Variants in SVIL observed in about 807,000 individuals in gnomAD.
The protein encoded by SVIL is supervillin.
In SVIL, 101 loss-of-function variants were observed where a neutral mutation model predicts 240.4. The ratio of observed to expected loss-of-function variants is 0.42; its 90% confidence interval spans 0.36 to 0.50. The LOEUF is 0.50. SVIL is among the 20% of genes least tolerant of loss of function. The pLI is 0.01. For synonymous variants in SVIL, 999 were observed against 1,100.0 expected, an observed-to-expected ratio of 0.91 and a Z score of 1.82; for missense variants, 2,512 against 2,818.7, an observed-to-expected ratio of 0.89 and a Z score of 2.46.
At chr10:29,629,906 G>A (rs150213865) in intron 1 of SVIL, among the ~76,000 whole-genome samples, 1 of 148,994 alleles carries the variant, frequency 6.7e-6, no homozygotes, top group East Asian at 1.9e-4. Flanking sequence ...CTTGAGCCCA[G>A]GAGTTCGAGG....
chr10:29,716,243 TG>T (rs1249617031), intron 1 of SVIL, among the ~76,000 whole-genome samples: 1 of 152,256 alleles, frequency 6.6e-6, no homozygotes, highest in Non-Finnish European at 1.5e-5. Context: ...AAATCATAAT[TG>T]GTAATTATAT....
chr10:29,501,589 A>G (rs1002382497), intron 17 of SVIL, among the ~76,000 whole-genome samples: 11 of 152,186 alleles, frequency 7.2e-5, no homozygotes, highest in Non-Finnish European at 1.5e-4. Context: ...ATCAAAATTC[A>G]AAGTTACTAA....
At chr10:29,612,307 T>C (rs1032465308) in intron 1 of SVIL, among the ~76,000 whole-genome samples, 1 of 152,180 alleles carries the variant, frequency 6.6e-6, no homozygotes, top group Non-Finnish European at 1.5e-5. Flanking sequence ...AGGGAAAATA[T>C]TTTAGAGTTC....
At chr10:29,701,833 A>G (rs1226124826) in intron 1 of SVIL, among the ~76,000 whole-genome samples, 4 of 152,172 alleles carry the variant, frequency 2.6e-5, no homozygotes, top group Non-Finnish European at 1.5e-5. Flanking sequence ...AAATGTTTCT[A>G]AATGAATAAT....
chr10:29,603,143 G>A (rs1029197879), intron 1 of SVIL, among the ~76,000 whole-genome samples: 4 of 152,152 alleles, frequency 2.6e-5, no homozygotes, highest in African/African-American at 9.7e-5. Context: ...ATAAAAGCAA[G>A]TGCAGAACAG....
intron 16 of SVIL, among the ~76,000 whole-genome samples, chr10:29,514,819 G>A (rs1349905547): frequency 1.3e-5 from 2 of 152,144 alleles, no homozygotes; most frequent in South Asian, 2.1e-4. Context: ...CAAGCTTCCC[G>A]ATTCCCATTA....
chr10:29,488,653 G>A lies in SVIL; in HGVS notation c.4296C>T (p.Asn1432=), dbSNP rs1947660764. Reference sequence around the variant, plus strand: ...TGTAGGGCACGGCGCTGTTGTTAGAGTTCTGTTCCGTCAGGTTGACGCTCC... The same window carrying A: ...TGTAGGGCACGGCGCTGTTGTTAGAATTCTGTTCCGTCAGGTTGACGCTCC... The part of the protein sequence containing the change: ...SLRSVNLTEQ[N]SNNSAVPYKR... The change falls in exon 23 of 38, where the codon AAC becomes AAT. Residue 1432 remains asparagine, a synonymous_variant. Transcript: ENST00000355867. 2 of 1,612,842 alleles carry A rather than the reference G, an allele frequency of 1.2e-6. No homozygotes were observed. Among genetic ancestry groups the A allele is most frequent in the Non-Finnish European group, 1.7e-6 (2 of 1,179,618 alleles).
chr10:29,459,421 A>C (rs61839346), intron 36 of SVIL, among the ~76,000 whole-genome samples: 11,633 of 152,238 alleles, frequency 0.076, 584 homozygotes, highest in Admixed American at 0.15. Flanking sequence ...CCATGAGTGA[A>C]TTATGGACTA....
chr10:29,639,406 T>C (rs1250707106), upstream of SVIL, among the ~76,000 whole-genome samples: 1 of 151,494 alleles, frequency 6.6e-6, no homozygotes, highest in Non-Finnish European at 1.5e-5. Flanking sequence ...CTCGATTTCG[T>C]GATCTGCTCA....
At chr10:29,648,808 C>G (rs1224384370) in intron 3 of SVIL, among the ~76,000 whole-genome samples, 1 of 139,580 alleles carries the variant, frequency 7.2e-6, no homozygotes, top group Non-Finnish European at 1.5e-5. Flanking sequence ...GGACACAGGA[C>G]AGCTGGGAAA....
rs544084284 is a variant in SVIL, at chr10:29,573,431, T to C, written c.-200-4119A>G. On this transcript the variant is annotated intron_variant, in intron 1 of 37. Coordinates refer to ENST00000355867, the MANE Select transcript of SVIL (RefSeq NM_021738.3). ...AATTTAATCTATTATTTAGGTATCC[T>C]ATCCATAGGAAACCAAATAAGACTG... Among the ~76,000 whole-genome samples, 56 of 152,278 alleles carry C rather than the reference T, an allele frequency of 3.7e-4. 1 individual carries two copies. In the South Asian group the frequency reaches 0.012, roughly 32 times the overall value.
chr10:29,554,168 A>T (rs972368400), intron 5 of SVIL, among the ~76,000 whole-genome samples: 1 of 152,110 alleles, frequency 6.6e-6, no homozygotes, highest in Non-Finnish European at 1.5e-5. Flanking sequence ...TTTAATAGCC[A>T]GGCATGGTGG....
At chr10:29,603,531 T>TGATAA (rs56205250) in intron 1 of SVIL, among the ~76,000 whole-genome samples, 13 of 151,952 alleles carry the variant, frequency 8.6e-5, no homozygotes, top group East Asian at 1.9e-4. Context: ...CCAAGAATTA[T>TGATAA]AATTTATGGC....
At chr10:29,471,540 A>G (rs1252232782) in intron 30 of SVIL, among the ~76,000 whole-genome samples, 2 of 152,216 alleles carry the variant, frequency 1.3e-5, no homozygotes, top group Admixed American at 1.3e-4. Context: ...CTTTTAAAAC[A>G]TAACTCCTGA....
chr10:29,485,960 G>T, intron 26 of SVIL, 125 bp downstream of exon 26: 5 of 1,084,172 alleles, frequency 4.6e-6, no homozygotes, highest in Non-Finnish European at 5.2e-6. Context: ...AGCTGTAAAT[G>T]TTCTACAATG....
At chr10:29,558,630 ATT>A (rs1343245404) in intron 3 of SVIL, among the ~76,000 whole-genome samples, 210 of 151,862 alleles carry the variant, frequency 1.4e-3, no homozygotes, top group African/African-American at 4.8e-3. Context: ...GTTTTATATT[ATT>A]ATTAATAATA....
At chr10:29,626,297 G>C (rs1957864383) in intron 1 of SVIL, among the ~76,000 whole-genome samples, 1 of 152,186 alleles carries the variant, frequency 6.6e-6, no homozygotes, top group African/African-American at 2.4e-5. Context: ...TTGAACAACA[G>C]ATGTAGGGCT....
intron 6 of SVIL, among the ~76,000 whole-genome samples, chr10:29,549,078 C>A (rs1328845355): frequency 2.6e-5 from 4 of 151,096 alleles, no homozygotes; most frequent in Non-Finnish European, 5.9e-5. Context: ...AGTGAACAGG[C>A]AACCCACAAA....
At chr10:29,551,304 T>C (rs762449507) in intron 5 of SVIL, 41 bp from the exon 6 acceptor site, 3 of 1,519,414 alleles carry the variant, frequency 2.0e-6, no homozygotes, top group Non-Finnish European at 2.6e-6. Context: ...AGATTTCAAG[T>C]AAAGACATGT....
Sources: gnomAD v4.1 joint callset for allele counts (sites outside exome capture counted in the v4.1 genomes callset) on GRCh38, gnomAD v4.1.1 for gene constraint, MANE v1.5 for transcripts, NCBI Gene and HGNC (gene_info 2026-07-23, HGNC 2026-07-21) for gene names.